The following DGUOK variants were observed in gnomAD, a reference collection of about 807,000 sequenced individuals.
DGUOK encodes deoxyguanosine kinase, also known as deoxyguanosine kinase, mitochondrial.
Under a neutral mutation model 36.6 loss-of-function variants are expected in DGUOK, and 30 were observed. The observed-to-expected ratio is 0.82, with a 90% CI of 0.61 to 1.11. DGUOK has a LOEUF of 1.11. DGUOK is among the 50% of genes most tolerant of loss of function. The pLI, the probability that DGUOK is intolerant of heterozygous loss-of-function variation, is 0.00. For missense variants in DGUOK, 361 were observed against 336.4 expected, an observed-to-expected ratio of 1.07 and a Z score of -0.57; for synonymous variants, 145 against 126.3, an observed-to-expected ratio of 1.15 and a Z score of -0.99.
chr2:73,927,819 T>C (rs1202851485), intron 1 of DGUOK, among the ~76,000 whole-genome samples: 1 of 152,346 alleles, frequency 6.6e-6, no homozygotes, highest in East Asian at 1.9e-4. Context: ...CTTGATACTT[T>C]TATCTACCAA....
chr2:73,927,013 G>T lies in DGUOK; in HGVS notation c.103G>T (p.Gly35Trp). The T allele has an allele frequency of 6.2e-7, 1 of 1,611,238 alleles. No individual in the cohort carries two copies. The change falls in exon 1 of 7, where the codon GGG (glycine) becomes TGG (tryptophan). Residue 35 changes from glycine (G) to tryptophan (W), a missense_variant. Gly to Trp is a radical substitution (Grantham distance 184, BLOSUM62 -2). Coordinates refer to ENST00000264093, the MANE Select transcript of DGUOK (RefSeq NM_080916.3). ...GVSSSRGLHAGRGPRRLSIEG... is the reference protein window; with the variant it reads ...GVSSSRGLHAWRGPRRLSIEG... The stretch of plus-strand genomic sequence containing the variant: ...TTCCTCCTCCAGAGGCCTGCACGCG[G>T]GGCGCGGGCCCCGAAGGCTCTCCAT...
At chr2:73,931,104 A>G (rs1010990684) in intron 1 of DGUOK, among the ~76,000 whole-genome samples, 2 of 152,136 alleles carry the variant, frequency 1.3e-5, no homozygotes, top group African/African-American at 4.8e-5. Context: ...CCGACTCGAC[A>G]TAATTTTCAT....
At chr2:73,957,588 C>T (rs1263815172) in intron 5 of DGUOK, among the ~76,000 whole-genome samples, 4 of 152,158 alleles carry the variant, frequency 2.6e-5, no homozygotes, top group African/African-American at 7.2e-5. Context: ...GCAGGAGAAT[C>T]GCTTGAACCT....
chr2:73,954,487 T>C (rs1489876456), intron 4 of DGUOK, among the ~76,000 whole-genome samples: 1 of 152,070 alleles, frequency 6.6e-6, no homozygotes, highest in Non-Finnish European at 1.5e-5. Flanking sequence ...ATGGTCAACA[T>C]AGGGAGACCC....
intron 1 of DGUOK, among the ~76,000 whole-genome samples, chr2:73,934,233 A>G (rs1165869463): frequency 6.6e-6 from 1 of 152,234 alleles, no homozygotes; most frequent in East Asian, 1.9e-4. Flanking sequence ...TTAGAAAAAG[A>G]TGAGTGGTAA....
chr2:73,933,121 A>G (rs1005848917), intron 1 of DGUOK, among the ~76,000 whole-genome samples: 5 of 152,258 alleles, frequency 3.3e-5, no homozygotes, highest in Non-Finnish European at 1.5e-5. Context: ...GGCTTCCCTA[A>G]TAACATGTTT....
At chr2:73,957,511 TA>T (rs1456209542) in intron 5 of DGUOK, among the ~76,000 whole-genome samples, 4 of 152,060 alleles carry the variant, frequency 2.6e-5, no homozygotes, top group South Asian at 4.2e-4. Flanking sequence ...CTGTCTCTAC[TA>T]AAAATAGAAA....
chr2:73,927,359 C>T (rs1029696027), intron 1 of DGUOK, among the ~76,000 whole-genome samples: 1 of 152,132 alleles, frequency 6.6e-6, no homozygotes, highest in African/African-American at 2.4e-5. Context: ...CAAGCGGGTG[C>T]AGTTTATTTG....
chr2:73,935,007 CAG>C (rs1190628182), intron 1 of DGUOK, among the ~76,000 whole-genome samples: 1 of 150,488 alleles, frequency 6.6e-6, no homozygotes, highest in Non-Finnish European at 1.5e-5. Context: ...ACCCAGGAAA[CAG>C]AGGTTGCAGT....
intron 5 of DGUOK, 84 bp downstream of exon 5, chr2:73,957,324 C>T: frequency 1.0e-6 from 1 of 985,000 alleles, no homozygotes; most frequent in Non-Finnish European, 1.6e-6. Flanking sequence ...GCATGCAGCC[C>T]CCTGTAGGAA....
At chr2:73,948,861 A>G (rs1682518147) in intron 3 of DGUOK, among the ~76,000 whole-genome samples, 1 of 152,118 alleles carries the variant, frequency 6.6e-6, no homozygotes, top group Non-Finnish European at 1.5e-5. Flanking sequence ...CACCACCACA[A>G]GCTTTGAAGA....
chr2:73,930,094 G>A (rs1680897213), intron 1 of DGUOK, among the ~76,000 whole-genome samples: 1 of 152,156 alleles, frequency 6.6e-6, no homozygotes, highest in Non-Finnish European at 1.5e-5. Flanking sequence ...TTAGCTAGGA[G>A]CACAATTCAT....
chr2:73,958,564 G>A, intron 6 of DGUOK, 146 bp from the exon 7 acceptor site: 5 of 723,202 alleles, frequency 6.9e-6, no homozygotes, highest in Middle Eastern at 2.3e-4. Flanking sequence ...ATATGACCCT[G>A]GGCTGCCCAC....
At chr2:73,930,655 GCTTA>G (rs994647627) in intron 1 of DGUOK, among the ~76,000 whole-genome samples, 1 of 152,100 alleles carries the variant, frequency 6.6e-6, no homozygotes, top group African/African-American at 2.4e-5. Flanking sequence ...TGCAACAGAG[GCTTA>G]CTGAGTGAGG....
intron 2 of DGUOK, among the ~76,000 whole-genome samples, chr2:73,944,853 A>G (rs924175596): frequency 1.3e-5 from 2 of 152,104 alleles, no homozygotes; most frequent in African/African-American, 4.8e-5. Context: ...GCTCCCAACC[A>G]TCTCTAGTGA....
At chr2:73,933,945 TAGAC>T (rs1380075322) in intron 1 of DGUOK, among the ~76,000 whole-genome samples, 1 of 152,202 alleles carries the variant, frequency 6.6e-6, no homozygotes, top group African/African-American at 2.4e-5. Context: ...AAAAAGACAT[TAGAC>T]AGTTTTATAT....
At chr2:73,934,947 C>T (rs1272467197) in intron 1 of DGUOK, among the ~76,000 whole-genome samples, 1 of 151,360 alleles carries the variant, frequency 6.6e-6, no homozygotes, top group African/African-American at 2.4e-5. Context: ...GTGGCACACA[C>T]CTGTAGTGGT....
chr2:73,944,781 A>G (rs1682161500), intron 2 of DGUOK, among the ~76,000 whole-genome samples: 1 of 152,184 alleles, frequency 6.6e-6, no homozygotes, highest in Non-Finnish European at 1.5e-5. Flanking sequence ...AACCTATTGC[A>G]TCTGCCAGCA....
In DGUOK at chr2:73,948,814, C is replaced by T. The variant is rs200348709; in HGVS notation, c.444-1771C>T. On this transcript the variant is annotated intron_variant, in intron 3 of 6. Transcript: ENST00000264093. The stretch of plus-strand genomic sequence containing the variant: ...TGCATTCAGTCTGCAGTACTTCCCT[C>T]CCACTCAGCACCACACCCTTCTGCC... Among the ~76,000 whole-genome samples the T allele has an allele frequency of 1.4e-4, 22 of 152,278 alleles. No individual in the cohort carries two copies. The East Asian group carries it at 4.2e-3, about 29-fold the overall frequency.
Sources: allele counts gnomAD v4.1 joint callset (sites outside exome capture counted in the v4.1 genomes callset), GRCh38; gene constraint gnomAD v4.1.1; transcripts MANE v1.5; gene names NCBI Gene and HGNC (gene_info 2026-07-23, HGNC 2026-07-21).